Variants in SEM1 observed in about 807,000 individuals in gnomAD.
SEM1 encodes SEM1 26S proteasome subunit, also known as 26S proteasome complex subunit SEM1.
A neutral mutation model predicts 12.7 loss-of-function variants in SEM1; 3 were observed. That is an observed-to-expected ratio of 0.24 (90% confidence interval 0.11 to 0.61). The LOEUF is 0.61. Ranked by LOEUF, SEM1 falls within the 20% of genes least tolerant of loss-of-function variation. The pLI is 0.88. For missense variants in SEM1, 59 were observed against 81.3 expected (o/e 0.73, Z 1.06); for synonymous variants, 30 against 27.8 (o/e 1.08, Z -0.25).
intron 2 of SEM1, among the ~76,000 whole-genome samples, chr7:96,581,948 T>C (rs1806426193): frequency 6.6e-6 from 1 of 151,746 alleles, no homozygotes; most frequent in South Asian, 2.1e-4. Flanking sequence ...CTTTTCCTCT[T>C]TGAATACCCT....
chr7:96,631,027 A>T (rs529337036), intron 2 of SEM1, among the ~76,000 whole-genome samples: 10 of 152,298 alleles, frequency 6.6e-5, no homozygotes, highest in Admixed American at 5.2e-4. Context: ...AGTTTTCCAC[A>T]TTATTCCATC....
intron 2 of SEM1, among the ~76,000 whole-genome samples, chr7:96,529,159 A>G (rs935573068): frequency 3.9e-5 from 6 of 152,128 alleles, no homozygotes; most frequent in African/African-American, 1.4e-4. Flanking sequence ...CATAATGGGA[A>G]AAGTTTTCAG....
intron 1 of SEM1, chr7:96,486,477 C>T (rs1457974829): frequency 2.8e-5 from 38 of 1,360,078 alleles, no homozygotes; most frequent in East Asian, 1.0e-4. Context: ...GGTGAGGAGG[C>T]GGGCACCTGT....
At chr7:96,616,013 G>A (rs1807709047) in intron 2 of SEM1, among the ~76,000 whole-genome samples, 1 of 152,126 alleles carries the variant, frequency 6.6e-6, no homozygotes, top group Non-Finnish European at 1.5e-5. Context: ...ACATATAAGT[G>A]CAGGTATCTT....
At chr7:96,562,899 C>T (rs566855197) in intron 2 of SEM1, among the ~76,000 whole-genome samples, 2 of 152,248 alleles carry the variant, frequency 1.3e-5, no homozygotes, top group South Asian at 2.1e-4. Flanking sequence ...AGCTTTCCTT[C>T]GTACATCCAA....
At chr7:96,539,300 CTG>C in intron 2 of SEM1, among the ~76,000 whole-genome samples, 1 of 151,684 alleles carries the variant, frequency 6.6e-6, no homozygotes, top group Non-Finnish European at 1.5e-5. Context: ...ACCACAAAAA[CTG>C]TGAAATAATA....
downstream of SEM1, chr7:96,672,461 C>T (rs1012446482): frequency 2.6e-5 from 4 of 152,184 alleles, no homozygotes; most frequent in Non-Finnish European, 5.9e-5. Context: ...GTTTTTTACA[C>T]TTTGATTTTG....
At chr7:96,565,523 G>GT (rs1419131649) in intron 2 of SEM1, among the ~76,000 whole-genome samples, 2 of 151,846 alleles carry the variant, frequency 1.3e-5, no homozygotes, top group Non-Finnish European at 2.9e-5. Context: ...CAACAGAGGT[G>GT]TTTTTTATGT....
At chr7:96,663,512 G>A (rs1247842251) in intron 2 of SEM1, among the ~76,000 whole-genome samples, 2 of 152,102 alleles carry the variant, frequency 1.3e-5, no homozygotes, top group Non-Finnish European at 1.5e-5. Flanking sequence ...AAAAGAGAGG[G>A]GCGAGAAGAA....
chr7:96,536,079 A>T (rs866605260), intron 2 of SEM1, among the ~76,000 whole-genome samples: 12 of 151,930 alleles, frequency 7.9e-5, no homozygotes, highest in Admixed American at 1.3e-4. Context: ...TCCCACCAAC[A>T]GTGTATAAGC....
downstream of SEM1, among the ~76,000 whole-genome samples, chr7:96,687,109 T>C (rs899864981): frequency 6.6e-6 from 1 of 152,120 alleles, no homozygotes; most frequent in African/African-American, 2.4e-5. Flanking sequence ...CCAGTTAGAA[T>C]GGCAATCATT....
intron 2 of SEM1, among the ~76,000 whole-genome samples, chr7:96,593,785 T>C (rs936443015): frequency 2.6e-5 from 4 of 152,302 alleles, no homozygotes; most frequent in African/African-American, 7.2e-5. Context: ...ATGACTGATA[T>C]GAATAAGCAT....
At chr7:96,662,565 T>C (rs1789040084) in intron 2 of SEM1, among the ~76,000 whole-genome samples, 1 of 152,178 alleles carries the variant, frequency 6.6e-6, no homozygotes, top group Non-Finnish European at 1.5e-5. Context: ...AAATACCTAA[T>C]GCATGCGGGT....
chr7:96,692,568 C>G (rs1293536684), intron 2 of SEM1, among the ~76,000 whole-genome samples: 1 of 151,882 alleles, frequency 6.6e-6, no homozygotes, highest in African/African-American at 2.4e-5. Flanking sequence ...AAAACAAAGA[C>G]AGATATAAAA....
chr7:96,646,876 T>C (rs1173350193), intron 2 of SEM1, among the ~76,000 whole-genome samples: 1 of 152,212 alleles, frequency 6.6e-6, no homozygotes, highest in East Asian at 1.9e-4. Flanking sequence ...CTCACTAGTA[T>C]CATTACTCTT....
chr7:96,683,448 A>G (rs563572275), intron 2 of SEM1, among the ~76,000 whole-genome samples: 2 of 152,282 alleles, frequency 1.3e-5, no homozygotes, highest in East Asian at 3.9e-4. Context: ...ACTGTAAATT[A>G]GTTCAACCAT....
chr7:96,709,796 A>T lies in SEM1; in HGVS notation c.-33T>A, dbSNP rs748069388. 6 of 1,610,064 alleles carry T rather than the reference A, an allele frequency of 3.7e-6. No individual in the cohort carries two copies. The Admixed American group carries it at 8.4e-5, about 22-fold the overall frequency. On this transcript the variant is annotated 5_prime_UTR_variant, in exon 1 of 3. Coordinates refer to ENST00000248566, the MANE Select transcript of SEM1 (RefSeq NM_006304.2). The stretch of plus-strand genomic sequence containing the variant: ...GTCCGCGCCCAACACCTCCCAGATA[A>T]GCAGAAAAGTTGGAACCCTCACTCT...
intron 2 of SEM1, among the ~76,000 whole-genome samples, chr7:96,674,779 T>C (rs1380945041): frequency 1.3e-5 from 2 of 152,188 alleles, no homozygotes; most frequent in African/African-American, 4.8e-5. Flanking sequence ...AACCCTGTGC[T>C]GGGCCAGAAA....
At chr7:96,630,936 C>A (rs1324958512) in intron 2 of SEM1, among the ~76,000 whole-genome samples, 1 of 152,184 alleles carries the variant, frequency 6.6e-6, no homozygotes, top group Admixed American at 6.5e-5. Flanking sequence ...TGTCCAGGAG[C>A]TACAGCCTGG....
Sources: gnomAD v4.1 joint callset for allele counts (sites outside exome capture counted in the v4.1 genomes callset) on GRCh38, gnomAD v4.1.1 for gene constraint, MANE v1.5 for transcripts, NCBI Gene and HGNC (gene_info 2026-07-23, HGNC 2026-07-21) for gene names.